HTRA1: variants seen among roughly 807,000 people sequenced by gnomAD.
HTRA1 encodes the protein HtrA serine peptidase 1.
Under a neutral mutation model 49.7 loss-of-function variants are expected in HTRA1, and 26 were observed. The ratio of observed to expected loss-of-function variants is 0.52; its 90% confidence interval spans 0.38 to 0.73. The LOEUF is 0.73. Among genes scored for constraint, HTRA1 ranks in the 30% least tolerant of loss-of-function variants. HTRA1 has a pLI of 0.00. For synonymous variants in HTRA1, 291 were observed against 286.9 expected (o/e 1.01, Z -0.14); for missense variants, 561 against 667.2 (o/e 0.84, Z 1.75).
At chr10:122,502,193 A>T (rs2097501192) in intron 3 of HTRA1, among the ~76,000 whole-genome samples, 1 of 151,784 alleles carries the variant, frequency 6.6e-6, no homozygotes, top group South Asian at 2.1e-4. Context: ...GCAAGGGCAG[A>T]TTTTCTTAAT....
chr10:122,491,650 A>T (rs1055877215), intron 3 of HTRA1, among the ~76,000 whole-genome samples: 1 of 152,224 alleles, frequency 6.6e-6, no homozygotes, highest in South Asian at 2.1e-4. Context: ...TCCTCGTGCC[A>T]TCCCTGGCAT....
At chr10:122,479,235 A>G (rs760848092) in intron 1 of HTRA1, among the ~76,000 whole-genome samples, 1 of 152,216 alleles carries the variant, frequency 6.6e-6, no homozygotes, top group Non-Finnish European at 1.5e-5. Flanking sequence ...CCGAGTGTGA[A>G]GCATGTTCCC....
At chr10:122,498,680 C>T (rs978095762) in intron 3 of HTRA1, among the ~76,000 whole-genome samples, 7 of 152,288 alleles carry the variant, frequency 4.6e-5, no homozygotes, top group African/African-American at 1.2e-4. Context: ...TGGAGAATTC[C>T]TGGTCCACCA....
chr10:122,461,947 G>C lies in HTRA1; in HGVS notation c.295G>C (p.Ala99Pro). The C allele has an allele frequency of 3.4e-6, 5 of 1,487,752 alleles. No homozygotes were observed. The highest frequency in any genetic ancestry group is 3.6e-6 in the Non-Finnish European group (4 of 1,126,096). 92.2% of individuals were successfully genotyped at this position (1,487,752 alleles called of 1,614,324 possible). The change falls in exon 1 of 9, where the codon GCC (alanine) becomes CCC (proline). Residue 99 changes from alanine to proline, a missense_variant. Coordinates refer to ENST00000368984, the MANE Select transcript of HTRA1 (RefSeq NM_002775.5). ...CVVPFGVPAS[A>P]TVRRRAQAGL... is the part of the protein sequence containing the mutation. Reference sequence around the variant, plus strand: ...GGTGCCCTTCGGGGTGCCAGCCTCGGCCACGGTGCGGCGGCGCGCGCAGGC... The same window carrying C: ...GGTGCCCTTCGGGGTGCCAGCCTCGCCCACGGTGCGGCGGCGCGCGCAGGC...
At chr10:122,512,183 A>C (rs2097505964) in intron 8 of HTRA1, 118 bp downstream of exon 8, 2 of 808,134 alleles carry the variant, frequency 2.5e-6, no homozygotes, top group East Asian at 2.6e-5. Flanking sequence ...TCCTTGACAG[A>C]CGTGGTCGGA....
intron 1 of HTRA1, among the ~76,000 whole-genome samples, chr10:122,488,083 G>C (rs530705834): frequency 6.6e-6 from 1 of 152,236 alleles, no homozygotes; most frequent in East Asian, 1.9e-4. Flanking sequence ...GGTGTCAGTG[G>C]GAAAGATAGG....
intron 1 of HTRA1, among the ~76,000 whole-genome samples, chr10:122,480,540 C>G (rs369871052): frequency 6.6e-6 from 1 of 152,180 alleles, no homozygotes; most frequent in African/African-American, 2.4e-5. Context: ...AGTGAAGCCC[C>G]CATGCTGGCC....
chr10:122,491,629 T>C (rs1319830332), intron 3 of HTRA1, among the ~76,000 whole-genome samples: 1 of 152,238 alleles, frequency 6.6e-6, no homozygotes, highest in Non-Finnish European at 1.5e-5. Context: ...TGAGCCAAGG[T>C]GGAGACTGTC....
At chr10:122,496,982 G>A (rs962040999) in intron 3 of HTRA1, among the ~76,000 whole-genome samples, 3 of 152,162 alleles carry the variant, frequency 2.0e-5, no homozygotes, top group African/African-American at 7.2e-5. Context: ...GAGTCTGAAA[G>A]CACAAAGATT....
intron 3 of HTRA1, among the ~76,000 whole-genome samples, chr10:122,493,504 T>C (rs1383466556): frequency 6.6e-6 from 1 of 151,238 alleles, no homozygotes; most frequent in African/African-American, 2.4e-5. Context: ...CCCTGCGGGG[T>C]TTTTTTTTCC....
chr10:122,484,939 C>T (rs1276896707), intron 1 of HTRA1, among the ~76,000 whole-genome samples: 1 of 152,234 alleles, frequency 6.6e-6, no homozygotes, highest in African/African-American at 2.4e-5. Flanking sequence ...TATGGGAATT[C>T]TCCATCGGGA....
At chr10:122,476,808 T>C (rs1222109914) in intron 1 of HTRA1, among the ~76,000 whole-genome samples, 1 of 152,042 alleles carries the variant, frequency 6.6e-6, no homozygotes, top group Admixed American at 6.6e-5. Flanking sequence ...CTCCCCCGCC[T>C]CTCTGTGAAG....
Position 122,511,978 on chromosome 10 carries a change from A to G in HTRA1, c.1187A>G (p.Lys396Arg), listed in dbSNP as rs1312161140. ...RMMSLTSSKA[K>R]ELKDRHRDFP... ...CTTTTTCTCTGGAGCAGCAAAGCCA[A>G]AGAGCTGAAGGACCGGCACCGGGAC... Residue 396 changes from lysine to arginine, a missense_variant, in exon 8 of 9, where the codon AAA (lysine) becomes AGA (arginine). This residue lies in a region of HTRA1 where 179 missense variants were observed against 173.4 expected (regional missense o/e 1.03). Coordinates refer to ENST00000368984, the MANE Select transcript of HTRA1 (RefSeq NM_002775.5). 2 of 1,613,868 alleles carry G rather than the reference A, an allele frequency of 1.2e-6. No homozygotes were observed. Among genetic ancestry groups the G allele is most frequent in the South Asian group, 2.2e-5 (2 of 91,072 alleles).
intron 6 of HTRA1, among the ~76,000 whole-genome samples, 179 bp from the exon 7 acceptor site, chr10:122,509,917 T>C (rs2097504831): frequency 6.6e-6 from 1 of 152,130 alleles, no homozygotes; most frequent in African/African-American, 2.4e-5. Context: ...ATTGAAACAA[T>C]GGGACTTTCC....
At chr10:122,462,422 A>G (rs1251361719) in intron 1 of HTRA1, among the ~76,000 whole-genome samples, 1 of 152,256 alleles carries the variant, frequency 6.6e-6, no homozygotes, top group Non-Finnish European at 1.5e-5. Context: ...GCAACCACAC[A>G]GCGCGGGGAC....
rs766798402 is a variant in HTRA1, at chr10:122,510,149, T to C, written c.1174T>C (p.Ser392Pro). The change falls in exon 7 of 9, where the codon TCC (serine) becomes CCC (proline). Residue 392 changes from serine to proline, a missense_variant. By Grantham distance (74) the Ser-to-Pro change is moderately conservative (BLOSUM62 -1). This residue lies in a region of HTRA1 where 179 missense variants were observed against 173.4 expected (regional missense o/e 1.03). Transcript: ENST00000368984. ...TGGTATCCGAATGATGTCACTCACGTCCAGGTGGGTAAACAGGATGCGTGT... is the reference window on the plus strand; with the variant it reads ...TGGTATCCGAATGATGTCACTCACGCCCAGGTGGGTAAACAGGATGCGTGT... ...YIGIRMMSLT[S>P]SKAKELKDRH... 1.9e-6 allele frequency: 3 copies of C among 1,613,472 alleles called. No individual in the cohort carries two copies. In the East Asian group the frequency reaches 6.7e-5, roughly 36 times the overall value.
Position 122,506,620 on chromosome 10 carries a change from C to G in HTRA1, c.778-71C>G. ...CCGTCACTGTCCCTGCTTGGTTTTC[C>G]ATGATATCTGTGCCTTTACCTATTT... On this transcript the variant is annotated intron_variant, in intron 3 of 8. Coordinates refer to ENST00000368984, the MANE Select transcript of HTRA1 (RefSeq NM_002775.5). This position sits in a 1 kb window ranked among gnomAD's most constrained non-coding sequence, Gnocchi z 5.2. The G allele has an allele frequency of 7.2e-7, 1 of 1,386,526 alleles. No homozygotes were observed. Among genetic ancestry groups the G allele is most frequent in the Non-Finnish European group, 1.0e-6 (1 of 984,624 alleles). The allele number at this position is 1,386,526 out of a possible 1,614,324, so 85.9% of individuals were successfully genotyped here. A position where few individuals can be genotyped will look rare whatever the true frequency, so the allele number is the denominator to read the frequency against.
At chr10:122,469,288 T>G (rs890335598) in intron 1 of HTRA1, among the ~76,000 whole-genome samples, 3 of 152,158 alleles carry the variant, frequency 2.0e-5, no homozygotes, top group African/African-American at 7.2e-5. Flanking sequence ...TTGGGCAAGA[T>G]TTTACCCGAT....
intron 1 of HTRA1, among the ~76,000 whole-genome samples, chr10:122,469,968 G>T (rs1373662922): frequency 6.6e-6 from 1 of 152,138 alleles, no homozygotes; most frequent in Non-Finnish European, 1.5e-5. Flanking sequence ...TATTACGTTT[G>T]TTAGGGTGTA....
Sources: allele counts gnomAD v4.1 joint callset (sites outside exome capture counted in the v4.1 genomes callset), GRCh38; gene constraint gnomAD v4.1.1; regional missense constraint gnomAD v4.1.1; non-coding constraint Gnocchi (gnomAD v3.1); transcripts MANE v1.5; gene names NCBI Gene and HGNC (gene_info 2026-07-23, HGNC 2026-07-21).